CHODL: variants seen among roughly 807,000 people sequenced by gnomAD.
CHODL encodes the protein transmembrane protein MT75.
In CHODL, 29 loss-of-function variants were observed where a neutral mutation model predicts 34.5. The ratio of observed to expected loss-of-function variants is 0.84; its 90% confidence interval spans 0.63 to 1.15. The LOEUF (loss-of-function observed/expected upper bound fraction) is 1.15. CHODL is among the 50% of genes most tolerant of loss of function. The pLI is 0.00. For missense variants in CHODL, 332 were observed against 332.5 expected (o/e 1.00, Z 0.01); for synonymous variants, 125 against 116.1 (o/e 1.08, Z -0.49).
At chr21:18,163,067 T>C (rs1460798570) in intron 2 of CHODL, among the ~76,000 whole-genome samples, 2 of 152,250 alleles carry the variant, frequency 1.3e-5, no homozygotes, top group Non-Finnish European at 2.9e-5. Flanking sequence ...TATATAGCCA[T>C]TCTACTGGAA....
At chr21:18,066,625 T>C (rs1282610261) in intron 2 of CHODL, among the ~76,000 whole-genome samples, 1 of 152,168 alleles carries the variant, frequency 6.6e-6, no homozygotes, top group Non-Finnish European at 1.5e-5. Flanking sequence ...TTCTGGAAAG[T>C]ATAACTTAGG....
At chr21:18,231,963 A>T (rs1211891229) in intron 2 of CHODL, among the ~76,000 whole-genome samples, 1 of 151,866 alleles carries the variant, frequency 6.6e-6, no homozygotes, top group Admixed American at 6.6e-5. Flanking sequence ...AGATCTAGTG[A>T]TCCTGCCCCA....
At position 18,086,722 on chromosome 21, in the gene CHODL, C is replaced by A. The variant is rs180942424; in HGVS notation, c.-45+58751C>A. On this transcript the variant is annotated intron_variant, in intron 2 of 6. Coordinates refer to the CHODL transcript ENST00000400127. The stretch of plus-strand genomic sequence containing the variant: ...TCACCAACTGACCCAGTCTTTTGGC[C>A]CCAGTGGTGGAAGCAGTTGGGCAAA... Among the ~76,000 whole-genome samples, 757 of 152,174 alleles carry A rather than the reference C, an allele frequency of 5.0e-3. 10 individuals are homozygous for A. Among genetic ancestry groups the A allele is most frequent in the Non-Finnish European group, 8.0e-3 (543 of 68,002 alleles).
At chr21:18,158,071 G>GT (rs34811787) in intron 2 of CHODL, among the ~76,000 whole-genome samples, 102,696 of 141,300 alleles carry the variant, frequency 0.73, 37,881 homozygotes, top group Non-Finnish European at 0.8. Flanking sequence ...ATTCCAAAAG[G>GT]TTTTTTTTTT....
chr21:17,923,161 T>A (rs1184843282), intron 1 of CHODL, among the ~76,000 whole-genome samples: 1 of 152,200 alleles, frequency 6.6e-6, no homozygotes, highest in Non-Finnish European at 1.5e-5. Flanking sequence ...AGGTTTGCCC[T>A]AAGTAGTCCC....
chr21:18,023,802 C>T (rs182677772), intron 1 of CHODL, among the ~76,000 whole-genome samples: 1 of 152,228 alleles, frequency 6.6e-6, no homozygotes, highest in African/African-American at 2.4e-5. Flanking sequence ...CTTTCTCATA[C>T]AGAAAATGTG....
intron 2 of CHODL, among the ~76,000 whole-genome samples, chr21:18,028,254 TTTTC>T (rs1195100186): frequency 1.6e-5 from 1 of 62,258 alleles, no homozygotes; most frequent in East Asian, 4.0e-4. Context: ...CCCCTTTTCC[TTTTC>T]TTTTTCTTTT....
chr21:18,221,078 A>C (rs879784339), intron 2 of CHODL, among the ~76,000 whole-genome samples: 2 of 152,068 alleles, frequency 1.3e-5, no homozygotes, highest in African/African-American at 2.4e-5. Flanking sequence ...GGTTTTCTTC[A>C]TGCTTTTTAA....
chr21:17,958,228 TC>T (rs1247444290), intron 1 of CHODL, among the ~76,000 whole-genome samples: 3 of 152,198 alleles, frequency 2.0e-5, no homozygotes, highest in African/African-American at 7.2e-5. Flanking sequence ...GAGGAAATGA[TC>T]CCAGTGCCTT....
chr21:18,263,901 C>CTTTT lies in CHODL; in HGVS notation c.737+1020_737+1023dup, dbSNP rs34968795. ...TCTACACAAAAGCCACATTAATAAC[C>CTTTT]TTTTTTTTTTTTTTTACCATTTAGA... is the stretch of plus-strand genomic sequence containing the variant. On this transcript the variant is annotated intron_variant, in intron 5 of 5. Transcript: ENST00000299295. 6.0e-3 allele frequency among the ~76,000 whole-genome samples: 845 copies of CTTTT among 141,368 alleles called. 9 individuals are homozygous for CTTTT. The highest frequency in any genetic ancestry group is 0.02 in the African/African-American group (783 of 38,420). 92.7% of individuals were successfully genotyped at this position (141,368 alleles called of 152,430 possible).
At chr21:17,927,944 G>A (rs528477968) in intron 1 of CHODL, among the ~76,000 whole-genome samples, 1 of 152,194 alleles carries the variant, frequency 6.6e-6, no homozygotes, top group Non-Finnish European at 1.5e-5. Context: ...AACTAACTTT[G>A]ATGGAGAAAA....
chr21:18,084,904 T>C (rs1036035609), intron 2 of CHODL, among the ~76,000 whole-genome samples: 2 of 147,872 alleles, frequency 1.4e-5, no homozygotes, highest in African/African-American at 2.5e-5. Flanking sequence ...CTATCTCTTT[T>C]GTTAGGTCTA....
chr21:18,043,399 A>C (rs1188964152), intron 2 of CHODL, among the ~76,000 whole-genome samples: 2 of 151,966 alleles, frequency 1.3e-5, no homozygotes, highest in African/African-American at 4.8e-5. Flanking sequence ...GCAGTATGTG[A>C]ATCTGTCATT....
chr21:17,973,632 G>C (rs2063636600), intron 1 of CHODL, among the ~76,000 whole-genome samples: 1 of 150,716 alleles, frequency 6.6e-6, no homozygotes, highest in South Asian at 2.1e-4. Flanking sequence ...GTGTTAGCCG[G>C]GATGGTCTCG....
intron 1 of CHODL, among the ~76,000 whole-genome samples, chr21:18,004,694 T>A (rs927987767): frequency 3.9e-5 from 6 of 152,214 alleles, no homozygotes. Context: ...AACTCTTACA[T>A]ACCCATACAC....
At chr21:17,925,279 A>G (rs2824557) in intron 1 of CHODL, among the ~76,000 whole-genome samples, 46,442 of 152,126 alleles carry the variant, frequency 0.31, 8,630 homozygotes, top group South Asian at 0.48. Flanking sequence ...GTTGACTCTC[A>G]GTTTTCACAG....
chr21:18,178,891 T>G (rs2073347951), intron 2 of CHODL, among the ~76,000 whole-genome samples: 1 of 152,186 alleles, frequency 6.6e-6, no homozygotes, highest in African/African-American at 2.4e-5. Context: ...ATTGTTTTTG[T>G]TACTGTTGAG....
chr21:18,160,110 T>C lies in CHODL; in HGVS notation c.-44-96399T>C, dbSNP rs892509626. Among the ~76,000 whole-genome samples the C allele has an allele frequency of 2.6e-5, 4 of 152,272 alleles. No individual in the cohort carries two copies. In the South Asian group the frequency reaches 8.3e-4, roughly 32 times the overall value. ...ATACAAGTATTTATTGCATATCTCA[T>C]TTAATCCTTTCAACAATCTTAGAAG... On this transcript the variant is annotated intron_variant, in intron 2 of 6. Coordinates refer to the CHODL transcript ENST00000400127.
chr21:17,958,954 A>C (rs1274847214), intron 1 of CHODL, among the ~76,000 whole-genome samples: 1 of 152,070 alleles, frequency 6.6e-6, no homozygotes, highest in Non-Finnish European at 1.5e-5. Flanking sequence ...ACACTGTCCC[A>C]TGGATATTTT....
Sources: allele counts gnomAD v4.1 joint callset (sites outside exome capture counted in the v4.1 genomes callset), GRCh38; gene constraint gnomAD v4.1.1; transcripts MANE v1.5; gene names NCBI Gene and HGNC (gene_info 2026-07-23, HGNC 2026-07-21).